Variants in DIAPH1 observed in about 807,000 individuals in gnomAD.
DIAPH1 encodes protein diaphanous homolog 1.
A neutral mutation model predicts 140.7 loss-of-function variants in DIAPH1; 46 were observed. The observed-to-expected ratio is 0.33, with a 90% confidence interval of 0.26 to 0.42. The LOEUF (loss-of-function observed/expected upper bound fraction) is 0.42. Among genes scored for constraint, DIAPH1 ranks in the 10% least tolerant of loss-of-function variants. The probability of loss-of-function intolerance (pLI) is 1.00; values close to 1 mark genes in which losing one functional copy is unlikely to be tolerated. For missense variants in DIAPH1, 1,310 were observed against 1,558.7 expected (o/e 0.84, Z 2.69); for synonymous variants, 565 against 551.6 (o/e 1.02, Z -0.34).
intron 18 of DIAPH1, among the ~76,000 whole-genome samples, chr5:141,549,342 TATA>T (rs2099891341): frequency 6.6e-6 from 1 of 152,120 alleles, no homozygotes; most frequent in Non-Finnish European, 1.5e-5. Flanking sequence ...TTGAGGAAAA[TATA>T]ATAATTCTAA....
chr5:141,585,960 C>T (rs932815970), intron 3 of DIAPH1, among the ~76,000 whole-genome samples: 6 of 152,116 alleles, frequency 3.9e-5, no homozygotes, highest in African/African-American at 9.7e-5. Context: ...TTTAAAATTA[C>T]GGATTGCTGA....
intron 18 of DIAPH1, among the ~76,000 whole-genome samples, chr5:141,547,637 G>T (rs917496222): frequency 6.6e-6 from 1 of 152,022 alleles, no homozygotes; most frequent in African/African-American, 2.4e-5. Context: ...GTTAAAAATG[G>T]TAAGAATGAA....
At chr5:141,558,658 C>T (rs2099893029) in intron 18 of DIAPH1, among the ~76,000 whole-genome samples, 1 of 152,122 alleles carries the variant, frequency 6.6e-6, no homozygotes, top group Non-Finnish European at 1.5e-5. Context: ...AGCATTTGTA[C>T]CTATTCTACA....
At chr5:141,613,573 T>C (rs1229735464) in intron 1 of DIAPH1, among the ~76,000 whole-genome samples, 1 of 152,178 alleles carries the variant, frequency 6.6e-6, no homozygotes, top group Admixed American at 6.5e-5. Flanking sequence ...ACATTTAAAG[T>C]CCCTTCCAAC....
At chr5:141,522,906 A>G (rs1337162800) in intron 27 of DIAPH1, among the ~76,000 whole-genome samples, 1 of 152,200 alleles carries the variant, frequency 6.6e-6, no homozygotes, top group African/African-American at 2.4e-5. Flanking sequence ...CTGAAGTCAT[A>G]CAAGAGAACC....
At chr5:141,618,059 G>A (rs2099902969) in intron 1 of DIAPH1, among the ~76,000 whole-genome samples, 1 of 152,150 alleles carries the variant, frequency 6.6e-6, no homozygotes, top group Admixed American at 6.5e-5. Flanking sequence ...GGTCAAGAAG[G>A]GCACAATCAT....
intron 27 of DIAPH1, among the ~76,000 whole-genome samples, chr5:141,523,586 T>C (rs983882038): frequency 1.3e-5 from 2 of 152,202 alleles, no homozygotes; most frequent in Admixed American, 1.3e-4. Context: ...CAATAGAGGC[T>C]AACTGCACTC....
intron 18 of DIAPH1, among the ~76,000 whole-genome samples, chr5:141,568,641 T>A (rs1159657140): frequency 6.6e-6 from 1 of 152,160 alleles, no homozygotes. Flanking sequence ...TCAGAATATG[T>A]GTAACAGGAG....
intron 27 of DIAPH1, among the ~76,000 whole-genome samples, chr5:141,521,101 C>T (rs1440209380): frequency 1.3e-5 from 2 of 152,094 alleles, no homozygotes; most frequent in Non-Finnish European, 2.9e-5. Context: ...AGAGTTTCAC[C>T]GTGTTAGTCA....
Position 141,547,807 on chromosome 5 carries a change from A to C in DIAPH1, c.2483-13374T>G, listed in dbSNP as rs562286040. Among the ~76,000 whole-genome samples, 9 of 152,332 alleles carry C rather than the reference A, an allele frequency of 5.9e-5. No homozygotes were observed. The South Asian group carries it at 1.0e-3, about 18-fold the overall frequency. ...AGTGATGAAAGCCTTCAACATACAG[A>C]ATCAAGCAGCTCAGAGAAACTCAAG... On this transcript the variant is annotated intron_variant, in intron 18 of 27. Transcript: ENST00000389054.
chr5:141,545,378 A>T (rs1303953722), intron 18 of DIAPH1, among the ~76,000 whole-genome samples: 1 of 152,240 alleles, frequency 6.6e-6, no homozygotes, highest in East Asian at 1.9e-4. Context: ...ACAGCTGGAC[A>T]CAGTGGCTCA....
At position 141,526,278 on chromosome 5, in the gene DIAPH1, G is replaced by GC; in HGVS notation, c.3438+18dup. On this transcript the variant is annotated intron_variant, in intron 25 of 27. Transcript: ENST00000389054. ...GAAATGCCCACAAAAGATTCAGTCA[G>GC]CAAGTATCCCTTGCTCACCAAAAAC... The GC allele has an allele frequency of 6.2e-7, 1 of 1,614,170 alleles. No individual in the cohort carries two copies. Among genetic ancestry groups the GC allele is most frequent in the Non-Finnish European group, 8.5e-7 (1 of 1,180,016 alleles).
At chr5:141,518,443 G>T (rs757458306) in intron 27 of DIAPH1, among the ~76,000 whole-genome samples, 1 of 151,976 alleles carries the variant, frequency 6.6e-6, no homozygotes, top group African/African-American at 2.4e-5. Context: ...CAAGACTGGG[G>T]CAGCTGCATG....
At position 141,575,065 on chromosome 5, in the gene DIAPH1, C is replaced by G. The variant is rs759051179; in HGVS notation, c.1543G>C (p.Asp515His). ...MESDFEQKLQDLQGEKDALHS... is the reference protein window; with the variant it reads ...MESDFEQKLQHLQGEKDALHS... ...AGTGCATCTTTTTCTCCCTGAAGAT[C>G]TTGAAGCTTCTGCTCAAAGTCACTT... Residue 515 changes from aspartate to histidine, a missense_variant, in exon 15 of 28, where the codon GAT (aspartate) becomes CAT (histidine). Transcript: ENST00000389054. 3.1e-6 allele frequency: 5 copies of G among 1,614,070 alleles called. No individual in the cohort carries two copies. Among genetic ancestry groups the G allele is most frequent in the Non-Finnish European group, 4.2e-6 (5 of 1,180,040 alleles).
chr5:141,578,435 C>T (rs1489908067), intron 10 of DIAPH1, 80 bp downstream of exon 10: 1 of 1,539,570 alleles, frequency 6.5e-7, no homozygotes, highest in Non-Finnish European at 9.0e-7. Flanking sequence ...AATTGAAAAC[C>T]AGAATTATCC....
intron 12 of DIAPH1, among the ~76,000 whole-genome samples, 197 bp downstream of exon 12, chr5:141,577,278 T>C (rs2099896110): frequency 6.6e-6 from 1 of 152,198 alleles, no homozygotes; most frequent in African/African-American, 2.4e-5. Flanking sequence ...CCTTATACAC[T>C]CTGACCTCTG....
At chr5:141,568,901 A>C (rs1327055562) in intron 18 of DIAPH1, among the ~76,000 whole-genome samples, 2 of 152,198 alleles carry the variant, frequency 1.3e-5, no homozygotes, top group East Asian at 3.8e-4. Context: ...AAATCACCTA[A>C]GCAGTGCTTC....
At chr5:141,602,222 AATT>A (rs1226676180) in intron 1 of DIAPH1, among the ~76,000 whole-genome samples, 2 of 152,006 alleles carry the variant, frequency 1.3e-5, no homozygotes, top group Non-Finnish European at 2.9e-5. Context: ...CACAAAAAAA[AATT>A]TTTTTTTTTG....
chr5:141,591,649 C>T (rs1366417576), intron 1 of DIAPH1, among the ~76,000 whole-genome samples: 1 of 136,444 alleles, frequency 7.3e-6, no homozygotes, highest in Non-Finnish European at 1.5e-5. Flanking sequence ...TATTCAATAT[C>T]CACTAACTCT....
Sources: gnomAD v4.1 joint callset for allele counts (sites outside exome capture counted in the v4.1 genomes callset) on GRCh38, gnomAD v4.1.1 for gene constraint, MANE v1.5 for transcripts, NCBI Gene and HGNC (gene_info 2026-07-23, HGNC 2026-07-21) for gene names.